The following CACNB4 variants were observed in gnomAD, a reference collection of about 807,000 sequenced individuals.
The protein encoded by CACNB4 is voltage-dependent L-type calcium channel subunit beta-4.
Under a neutral mutation model 71.2 loss-of-function variants are expected in CACNB4, and 32 were observed. The observed-to-expected ratio is 0.45, with a 90% confidence interval of 0.34 to 0.60. CACNB4 has a LOEUF of 0.60. Among genes scored for constraint, CACNB4 ranks in the 20% least tolerant of loss-of-function variants. The pLI is 0.01. For missense variants in CACNB4, 464 were observed against 647.9 expected (o/e 0.72, Z 3.08); for synonymous variants, 231 against 236.9 (o/e 0.97, Z 0.23).
intron 2 of CACNB4, among the ~76,000 whole-genome samples, chr2:151,885,176 C>T (rs1383617574): frequency 6.6e-6 from 1 of 152,196 alleles, no homozygotes; most frequent in African/African-American, 2.4e-5. Flanking sequence ...CTAAATTTTG[C>T]CTCTGCAACA....
intron 2 of CACNB4, among the ~76,000 whole-genome samples, chr2:151,951,031 G>A (rs544669972): frequency 2.5e-4 from 38 of 152,172 alleles, no homozygotes; most frequent in Admixed American, 6.5e-4. Flanking sequence ...TGCAGCCTCC[G>A]TCACCTGGGT....
At position 151,853,491 on chromosome 2, in the gene CACNB4, T is replaced by C. The variant is rs746420663; in HGVS notation, c.1073A>G (p.Asn358Ser). The change falls in exon 12 of 14, where the codon AAT (asparagine) becomes AGT (serine). Residue 358 changes from asparagine (N) to serine (S), a missense_variant. Physicochemically the swap from Asn to Ser is conservative, Grantham distance 46. Transcript: ENST00000539935. ...TTTATCAGCTGCCACCAGTTGAACATTCAAGTGTTTACTTTGTGACTTTCC... is the reference window on the plus strand; with the variant it reads ...TTTATCAGCTGCCACCAGTTGAACACTCAAGTGTTTACTTTGTGACTTTCC... ...SRGKSQSKHLNVQLVAADKLA... is the reference protein window; with the variant it reads ...SRGKSQSKHLSVQLVAADKLA... The C allele has an allele frequency of 5.0e-6, 8 of 1,600,898 alleles. No individual in the cohort carries two copies. Among genetic ancestry groups the C allele is most frequent in the Non-Finnish European group, 6.8e-6 (8 of 1,174,402 alleles).
intron 2 of CACNB4, among the ~76,000 whole-genome samples, chr2:152,022,399 G>A (rs1262269671): frequency 1.3e-5 from 2 of 152,178 alleles, no homozygotes; most frequent in African/African-American, 2.4e-5. Flanking sequence ...ATATAAAAGC[G>A]AAGTGCTTCA....
chr2:151,853,337 A>C (rs747965305), intron 12 of CACNB4, 111 bp downstream of exon 12: 1 of 640,660 alleles, frequency 1.6e-6, no homozygotes, highest in Admixed American at 3.3e-5. Context: ...TTAGATGACA[A>C]CATACCATCA....
intron 2 of CACNB4, among the ~76,000 whole-genome samples, chr2:152,094,734 C>G (rs1230676235): frequency 2.0e-5 from 3 of 152,142 alleles, no homozygotes; most frequent in Non-Finnish European, 4.4e-5. Context: ...CTTTTCATTC[C>G]TCCCCTACAA....
chr2:151,848,655 G>A (rs190781038), intron 12 of CACNB4, among the ~76,000 whole-genome samples: 74 of 152,182 alleles, frequency 4.9e-4, no homozygotes, highest in African/African-American at 1.4e-3. Context: ...AGACTCTACT[G>A]AGGAGATGAG....
intron 2 of CACNB4, among the ~76,000 whole-genome samples, chr2:152,077,730 C>CA: frequency 6.6e-6 from 1 of 151,588 alleles, no homozygotes; most frequent in Admixed American, 6.6e-5. Context: ...CACTCCCTCT[C>CA]AAAAAAAGAA....
chr2:151,852,252 T>A (rs1341976294), intron 12 of CACNB4: 2 of 152,236 alleles, frequency 1.3e-5, no homozygotes, highest in Non-Finnish European at 2.9e-5. Flanking sequence ...AGAGATAATC[T>A]ATGTAAAGCA....
At chr2:151,880,158 G>A (rs1402628926) in intron 4 of CACNB4, 3 of 152,332 alleles carry the variant, frequency 2.0e-5, no homozygotes, top group African/African-American at 4.8e-5. Context: ...AGGCCCTGAA[G>A]TGTCTGTGCC....
chr2:152,011,114 C>T (rs1311898622), intron 2 of CACNB4, among the ~76,000 whole-genome samples: 1 of 152,136 alleles, frequency 6.6e-6, no homozygotes, highest in Non-Finnish European at 1.5e-5. Flanking sequence ...AACAATTATT[C>T]CAGAAGAGTC....
rs530065250 is a variant in CACNB4, at chr2:151,944,171, C to T, written c.148-60801G>A. On this transcript the variant is annotated intron_variant, in intron 2 of 13. Coordinates refer to ENST00000539935, the MANE Select transcript of CACNB4 (RefSeq NM_000726.5). ...AGTCTCCTAAGTAGCTGAGATGACA[C>T]AACAAGCACACGCCACCACACCTGG... is the stretch of plus-strand genomic sequence containing the variant. Among the ~76,000 whole-genome samples, 4 of 151,876 alleles carry T rather than the reference C, an allele frequency of 2.6e-5. No individual in the cohort carries two copies. In the South Asian group the frequency reaches 8.3e-4, roughly 32 times the overall value.
intron 2 of CACNB4, chr2:151,968,130 T>G (rs892707948): frequency 6.6e-6 from 1 of 152,216 alleles, no homozygotes; most frequent in Non-Finnish European, 1.5e-5. Context: ...TTATATGAAC[T>G]GTAAGCTCCT....
chr2:152,051,568 T>C (rs1461701296), intron 2 of CACNB4, among the ~76,000 whole-genome samples: 1 of 152,118 alleles, frequency 6.6e-6, no homozygotes, highest in African/African-American at 2.4e-5. Flanking sequence ...GAGGGCTTGC[T>C]TCCTCTCTCT....
In CACNB4 at chr2:151,841,949, C is replaced by T; in HGVS notation, c.1256G>A (p.Gly419Asp). Residue 419 changes from glycine (G) to aspartate (D), a missense_variant, in exon 13 of 14, where the codon GGC (glycine) becomes GAC (aspartate). Gly to Asp is a moderately conservative substitution (Grantham distance 94). Transcript: ENST00000539935. ...PMTPLLGRNLGSTALSPYPTA... is the reference protein window; with the variant it reads ...PMTPLLGRNLDSTALSPYPTA... ...GGGATATGGTGAGAGTGCCGTGGAG[C>T]CCAAATTCCTTCCCAGCAGCGGGGT... is the stretch of plus-strand genomic sequence containing the variant. The T allele has an allele frequency of 6.2e-7, 1 of 1,613,848 alleles. No homozygotes were observed. Among genetic ancestry groups the T allele is most frequent in the South Asian group, 1.1e-5 (1 of 91,060 alleles).
chr2:152,017,748 C>G (rs1683425742), intron 2 of CACNB4, among the ~76,000 whole-genome samples: 1 of 151,868 alleles, frequency 6.6e-6, no homozygotes, highest in Admixed American at 6.6e-5. Flanking sequence ...AATAAAAGTC[C>G]TAAAACAATA....
chr2:152,059,705 T>G (rs955712993), intron 2 of CACNB4, among the ~76,000 whole-genome samples: 1 of 152,202 alleles, frequency 6.6e-6, no homozygotes, highest in Non-Finnish European at 1.5e-5. Flanking sequence ...AATTAAGGCT[T>G]TGGGGGACTG....
chr2:151,978,550 C>A (rs1044201442), intron 2 of CACNB4, among the ~76,000 whole-genome samples: 9 of 152,190 alleles, frequency 5.9e-5, no homozygotes, highest in Admixed American at 5.9e-4. Flanking sequence ...CCTGTGCCTC[C>A]ATTTCCTCAC....
At chr2:151,854,789 A>T (rs2099839856) in intron 11 of CACNB4, 1 of 152,930 alleles carries the variant, frequency 6.5e-6, no homozygotes, top group African/African-American at 2.4e-5. Context: ...GGAGATGTTT[A>T]AACAGTGATA....
intron 2 of CACNB4, among the ~76,000 whole-genome samples, chr2:151,992,512 C>T (rs1195689421): frequency 6.6e-6 from 1 of 152,186 alleles, no homozygotes; most frequent in Admixed American, 6.5e-5. Context: ...GTATGATAAC[C>T]ACTGGAAGGA....
Sources: allele counts gnomAD v4.1 joint callset (sites outside exome capture counted in the v4.1 genomes callset), GRCh38; gene constraint gnomAD v4.1.1; transcripts MANE v1.5; gene names NCBI Gene and HGNC (gene_info 2026-07-23, HGNC 2026-07-21).